GRIK1: variants seen among roughly 807,000 people sequenced by gnomAD.
GRIK1 encodes the protein glutamate receptor ionotropic, kainate 1.
A neutral mutation model predicts 105.7 loss-of-function variants in GRIK1; 69 were observed. The ratio of observed to expected loss-of-function variants is 0.65; its 90% CI spans 0.54 to 0.80. The LOEUF (loss-of-function observed/expected upper bound fraction) is 0.80, where lower values mean the gene tolerates loss of function less well. GRIK1 is among the 30% of genes least tolerant of loss of function. The pLI is 0.00. For missense variants in GRIK1, 1,109 were observed against 1,167.3 expected (o/e 0.95, Z 0.73); for synonymous variants, 438 against 431.3 (o/e 1.02, Z -0.19).
intron 1 of GRIK1, among the ~76,000 whole-genome samples, chr21:29,910,890 C>T (rs2070791951): frequency 1.3e-5 from 2 of 151,612 alleles, no homozygotes; most frequent in South Asian, 2.1e-4. Flanking sequence ...TTTTTTTTTA[C>T]AAGACTGACT....
chr21:29,608,194 T>C (rs1001767712), intron 7 of GRIK1, among the ~76,000 whole-genome samples: 2 of 152,154 alleles, frequency 1.3e-5, no homozygotes, highest in African/African-American at 2.4e-5. Flanking sequence ...ACTTTGAAGA[T>C]GATGTTCAAA....
intron 7 of GRIK1, among the ~76,000 whole-genome samples, chr21:29,623,607 A>G (rs1030593114): frequency 6.6e-6 from 1 of 152,156 alleles, no homozygotes. Flanking sequence ...TAATTGCTCA[A>G]TGTATAAATC....
At chr21:29,550,707 A>AT (rs1386115629) in intron 16 of GRIK1, among the ~76,000 whole-genome samples, 1 of 152,142 alleles carries the variant, frequency 6.6e-6, no homozygotes, top group East Asian at 1.9e-4. Context: ...TAGAAAACCA[A>AT]TTTTCTAAAC....
chr21:29,782,450 A>C (rs2066149795), intron 1 of GRIK1, among the ~76,000 whole-genome samples: 1 of 152,136 alleles, frequency 6.6e-6, no homozygotes, highest in African/African-American at 2.4e-5. Flanking sequence ...ATATTTAACT[A>C]AGTGCGCCAA....
intron 1 of GRIK1, among the ~76,000 whole-genome samples, chr21:29,899,236 C>T (rs750631671): frequency 9.2e-5 from 14 of 152,162 alleles, no homozygotes; most frequent in Non-Finnish European, 1.8e-4. Context: ...TCATTCAGGG[C>T]TTTTTGTTAC....
chr21:29,874,561 G>C (rs1433990703), intron 1 of GRIK1, among the ~76,000 whole-genome samples: 1 of 152,180 alleles, frequency 6.6e-6, no homozygotes, highest in Non-Finnish European at 1.5e-5. Context: ...CTCACCTCCT[G>C]CTGTGCTTCC....
chr21:29,673,135 C>A lies in GRIK1; in HGVS notation c.574G>T (p.Ala192Ser), dbSNP rs1362422869. The A allele has an allele frequency of 3.1e-6, 5 of 1,611,890 alleles. No homozygotes were observed. The highest frequency in any genetic ancestry group is 1.7e-5 in the Admixed American group (1 of 59,926). Residue 192 changes from alanine (A) to serine (S), a missense_variant, in exon 4 of 18, where the codon GCT (alanine) becomes TCT (serine). Transcript: ENST00000327783. ...GLIRLQELIK[A>S]PSRYNIKIKI... Reference sequence around the variant, plus strand: ...ATTTTAATATTATATCTGGAGGGAGCTTTGATGAGCTCTTGTAGACGAATT... The same window carrying A: ...ATTTTAATATTATATCTGGAGGGAGATTTGATGAGCTCTTGTAGACGAATT...
rs57193884 is a variant in GRIK1, at chr21:29,761,753, CT to C, written c.119-67691del. Among the ~76,000 whole-genome samples the C allele has an allele frequency of 1.1e-3, 153 of 138,554 alleles. 1 individual carries two copies. In the East Asian group the frequency reaches 0.011, roughly 10 times the overall value. The allele number at this position is 138,554 out of a possible 152,430, so 90.9% of individuals were successfully genotyped here. Reference sequence around the variant, plus strand: ...CTTCCTTCTTTCTCTTTCTTTCGTTCTTTTTTTTTTTTTCTCACAGTTTAGC... The same window carrying C: ...CTTCCTTCTTTCTCTTTCTTTCGTTCTTTTTTTTTTTTCTCACAGTTTAGC... On this transcript the variant is annotated intron_variant, in intron 1 of 17. Transcript: ENST00000327783.
chr21:29,827,995 CTCTCTCTG>C (rs752395468), intron 1 of GRIK1, among the ~76,000 whole-genome samples: 1 of 117,830 alleles, frequency 8.5e-6, no homozygotes, highest in Non-Finnish European at 1.9e-5. Flanking sequence ...CTCTCTCTCT[CTCTCTCTG>C]TCTCTCTCTG....
intron 4 of GRIK1, among the ~76,000 whole-genome samples, chr21:29,670,311 T>C (rs2063139428): frequency 6.6e-6 from 1 of 152,178 alleles, no homozygotes; most frequent in African/African-American, 2.4e-5. Flanking sequence ...AAAATGTCTG[T>C]GTCAGTGGTT....
rs144454965 is a variant in GRIK1 at position 29,758,152 on chromosome 21, G to A, written c.119-64089C>T. Reference sequence around the variant, plus strand: ...TGCCCACCTAAATGCAAGGAAAACCGTGAAATATAGTCTCATTGCATGCCA... The same window carrying A: ...TGCCCACCTAAATGCAAGGAAAACCATGAAATATAGTCTCATTGCATGCCA... On this transcript the variant is annotated intron_variant, in intron 1 of 17. Coordinates refer to ENST00000327783, the MANE Select transcript of GRIK1 (RefSeq NM_001330994.2). 7.5e-4 allele frequency among the ~76,000 whole-genome samples: 114 copies of A among 152,282 alleles called. 2 individuals are homozygous for A. The East Asian group carries it at 0.014, about 19-fold the overall frequency.
intron 1 of GRIK1, among the ~76,000 whole-genome samples, chr21:29,729,465 T>C (rs2064555942): frequency 2.0e-5 from 3 of 152,208 alleles, no homozygotes; most frequent in African/African-American, 7.2e-5. Flanking sequence ...GTTTGTCATA[T>C]TCAGTATCAT....
chr21:29,853,469 C>T (rs1276334463), intron 1 of GRIK1, among the ~76,000 whole-genome samples: 1 of 152,184 alleles, frequency 6.6e-6, no homozygotes, highest in Non-Finnish European at 1.5e-5. Context: ...AGCCAAGTAT[C>T]TCTTAGTACT....
chr21:29,615,188 A>G (rs532983959), intron 7 of GRIK1, among the ~76,000 whole-genome samples: 1 of 151,792 alleles, frequency 6.6e-6, no homozygotes, highest in South Asian at 2.1e-4. Flanking sequence ...TATAACCCAC[A>G]TCATAGCAGT....
chr21:29,673,106 T>G lies in GRIK1; in HGVS notation c.603A>C (p.Lys201Asn), dbSNP rs200396034. 7.3e-5 allele frequency: 118 copies of G among 1,612,888 alleles called. No individual in the cohort carries two copies. In the Admixed American group the frequency reaches 1.1e-3, roughly 15 times the overall value. ...TATTCCCAGAGGGCAGCTGGCGGAT[T>G]TTGATTTTAATATTATATCTGGAGG... The part of the protein sequence containing the change: ...KAPSRYNIKI[K>N]IRQLPSGNKD... Residue 201 changes from lysine to asparagine, a missense_variant, in exon 4 of 18, where the codon AAA (lysine) becomes AAC (asparagine). Lys to Asn is a moderately conservative substitution (Grantham distance 94). Around this residue, in one of 5 missense-constraint regions of GRIK1, gnomAD observed 612 missense variants for 586.0 expected, o/e 1.04. Coordinates refer to ENST00000327783, the MANE Select transcript of GRIK1 (RefSeq NM_001330994.2).
At chr21:29,582,669 C>A (rs918957092) in intron 12 of GRIK1, among the ~76,000 whole-genome samples, 1 of 152,084 alleles carries the variant, frequency 6.6e-6, no homozygotes, top group African/African-American at 2.4e-5. Flanking sequence ...GACTATCTTG[C>A]CAAGTGGTAC....
intron 16 of GRIK1, among the ~76,000 whole-genome samples, chr21:29,544,236 A>G (rs979537817): frequency 5.3e-5 from 8 of 152,158 alleles, no homozygotes; most frequent in Non-Finnish European, 1.0e-4. Flanking sequence ...TAGAAACCTT[A>G]TTCTCTCAAC....
At chr21:29,874,920 C>T (rs555651282) in intron 1 of GRIK1, among the ~76,000 whole-genome samples, 1 of 151,678 alleles carries the variant, frequency 6.6e-6, no homozygotes, top group East Asian at 1.9e-4. Flanking sequence ...GAAACGATTT[C>T]CAAAATGACT....
At chr21:29,769,295 G>C (rs2065753095) in intron 1 of GRIK1, among the ~76,000 whole-genome samples, 1 of 152,138 alleles carries the variant, frequency 6.6e-6, no homozygotes, top group Non-Finnish European at 1.5e-5. Flanking sequence ...TTTATAAAAA[G>C]GGGACATTTT....
Sources: allele counts gnomAD v4.1 joint callset (sites outside exome capture counted in the v4.1 genomes callset), GRCh38; gene constraint gnomAD v4.1.1; regional missense constraint gnomAD v4.1.1; transcripts MANE v1.5; gene names NCBI Gene and HGNC (gene_info 2026-07-23, HGNC 2026-07-21).